VPS13B: variants seen among roughly 807,000 people sequenced by gnomAD.
The protein encoded by VPS13B is intermembrane lipid transfer protein VPS13B.
In VPS13B, 285 loss-of-function variants were observed where a neutral mutation model predicts 426.4. The ratio of observed to expected loss-of-function variants is 0.67; its 90% confidence interval spans 0.61 to 0.74. The LOEUF is 0.74. Among genes scored for constraint, VPS13B ranks in the 30% least tolerant of loss-of-function variants. The pLI is 0.00. For missense variants in VPS13B, 4,537 were observed against 4,782.6 expected, an observed-to-expected ratio of 0.95 and a Z score of 1.51; for synonymous variants, 1,676 against 1,676.4, an observed-to-expected ratio of 1.00 and a Z score of 0.01.
chr8:99,188,515 A>G (rs879329743), intron 16 of VPS13B, among the ~76,000 whole-genome samples: 3 of 152,138 alleles, frequency 2.0e-5, no homozygotes, highest in Admixed American at 6.6e-5. Context: ...TTTGGCTAAG[A>G]ATAGTGCCGC....
chr8:99,206,759 G>C (rs1012585431), intron 17 of VPS13B, among the ~76,000 whole-genome samples: 1 of 152,146 alleles, frequency 6.6e-6, no homozygotes, highest in Non-Finnish European at 1.5e-5. Flanking sequence ...TTTTGGAGTT[G>C]TTGAATAGTT....
intron 6 of VPS13B, among the ~76,000 whole-genome samples, chr8:99,115,235 G>A (rs1218024924): frequency 6.6e-6 from 1 of 152,032 alleles, no homozygotes; most frequent in African/African-American, 2.4e-5. Context: ...GTTTTAGGAT[G>A]TATATGTATT....
intron 16 of VPS13B, among the ~76,000 whole-genome samples, chr8:99,184,608 A>G (rs1444347271): frequency 6.6e-6 from 1 of 152,252 alleles, no homozygotes; most frequent in Non-Finnish European, 1.5e-5. Context: ...CAGAAATTTG[A>G]AAAATGTTAA....
At chr8:99,463,527 A>G (rs1458153528) in intron 23 of VPS13B, among the ~76,000 whole-genome samples, 1 of 152,134 alleles carries the variant, frequency 6.6e-6, no homozygotes, top group Non-Finnish European at 1.5e-5. Context: ...AGCAAATAAA[A>G]CTGAAGGTTG....
At chr8:99,586,977 A>T (rs1329543465) in intron 33 of VPS13B, among the ~76,000 whole-genome samples, 1 of 151,658 alleles carries the variant, frequency 6.6e-6, no homozygotes, top group Non-Finnish European at 1.5e-5. Flanking sequence ...TCCCTCCCCC[A>T]TCCCCCCATG....
At chr8:99,090,024 C>T (rs754102048) in intron 3 of VPS13B, among the ~76,000 whole-genome samples, 14 of 151,896 alleles carry the variant, frequency 9.2e-5, no homozygotes, top group South Asian at 2.1e-4. Context: ...CAAGGAGAGG[C>T]GGGTATAATG....
chr8:99,659,935 A>G (rs1284255284), intron 34 of VPS13B, among the ~76,000 whole-genome samples: 1 of 152,198 alleles, frequency 6.6e-6, no homozygotes, highest in African/African-American at 2.4e-5. Flanking sequence ...ATAGATGCCC[A>G]GGTCCTAGCA....
At chr8:99,429,373 A>G (rs1480443372) in intron 21 of VPS13B, among the ~76,000 whole-genome samples, 1 of 152,036 alleles carries the variant, frequency 6.6e-6, no homozygotes, top group Non-Finnish European at 1.5e-5. Context: ...CTTTGTTAGC[A>G]ATGTTGAGCA....
Position 99,313,710 on chromosome 8 carries a change from T to A in VPS13B, c.2824+38456T>A, listed in dbSNP as rs184393985. On this transcript the variant is annotated intron_variant, in intron 19 of 61. Transcript: ENST00000357162. ...ACTTCAAACCTGTCAGACAGGGATA[T>A]TTAAGTCTGCAGAGGTTTCTGCTGC... 2.0e-3 allele frequency among the ~76,000 whole-genome samples: 309 copies of A among 152,328 alleles called. 1 individual carries two copies. The highest frequency in any genetic ancestry group is 3.5e-3 in the Non-Finnish European group (237 of 68,020).
At chr8:99,491,814 G>T (rs927599391) in intron 25 of VPS13B, among the ~76,000 whole-genome samples, 1 of 152,076 alleles carries the variant, frequency 6.6e-6, no homozygotes, top group Non-Finnish European at 1.5e-5. Flanking sequence ...GAACATGCTC[G>T]TTTTGCTCGG....
At chr8:99,057,975 G>C (rs755260172) in intron 3 of VPS13B, among the ~76,000 whole-genome samples, 7 of 152,086 alleles carry the variant, frequency 4.6e-5, no homozygotes, top group Non-Finnish European at 8.8e-5. Context: ...CTAGTTCAGT[G>C]ATTTTCTCAG....
At chr8:99,849,285 C>T (rs1204916433) in intron 55 of VPS13B, among the ~76,000 whole-genome samples, 1 of 152,078 alleles carries the variant, frequency 6.6e-6, no homozygotes, top group Admixed American at 6.5e-5. Context: ...TATTTTCCAC[C>T]CCCCACTTTG....
At position 99,087,392 on chromosome 8, in the gene VPS13B, C is replaced by G. The variant is rs894280975; in HGVS notation, c.292-8920C>G. On this transcript the variant is annotated intron_variant, in intron 3 of 61. Transcript: ENST00000357162. ...TGACTAGGAAAGGGAATTCCCTGACCCCTTGCACTTCCAGGGTGAGGCAGT... is the reference window on the plus strand; with the variant it reads ...TGACTAGGAAAGGGAATTCCCTGACGCCTTGCACTTCCAGGGTGAGGCAGT... Among the ~76,000 whole-genome samples, 5 of 152,060 alleles carry G rather than the reference C, an allele frequency of 3.3e-5. No homozygotes were observed. In the East Asian group the frequency reaches 5.8e-4, roughly 18 times the overall value.
rs1294709066 is a variant in VPS13B, at chr8:99,861,809, GC to G, written c.11080del (p.Leu3694TrpfsTer51). On this transcript the variant is annotated frameshift_variant, in exon 58 of 62. Transcript: ENST00000357162. LOFTEE classifies it high-confidence loss of function. The stretch of plus-strand genomic sequence containing the variant: ...ACATCCATCACCAACCTCGCCACAA[GC>G]CTGGCCCGGAACATGGACCGGCTCT... Reference protein sequence around the residue: ...TLTSITNLATSLARNMDRLSL... With the variant: ...TLTSITNLATXLARNMDRLSL... 1 of 1,598,574 alleles carries G rather than the reference GC, an allele frequency of 6.3e-7. No individual in the cohort carries two copies. The highest frequency in any genetic ancestry group is 8.5e-7 in the Non-Finnish European group (1 of 1,172,806).
chr8:99,372,533 C>CATTT lies in VPS13B; in HGVS notation c.2825-11672_2825-11669dup, dbSNP rs527615201. Among the ~76,000 whole-genome samples the CATTT allele has an allele frequency of 6.1e-3, 926 of 152,240 alleles. 12 individuals are homozygous for CATTT. Among genetic ancestry groups the CATTT allele is most frequent in the African/African-American group, 0.021 (882 of 41,528 alleles). On this transcript the variant is annotated intron_variant, in intron 19 of 61. Transcript: ENST00000357162. ...TGAACAGACACTTCTCAAAAGAAGA[C>CATTT]ATTTATGTGGCCAACAAACATATGA...
chr8:99,358,675 C>A (rs1371238822), intron 19 of VPS13B, among the ~76,000 whole-genome samples: 2 of 152,168 alleles, frequency 1.3e-5, no homozygotes, highest in Non-Finnish European at 2.9e-5. Flanking sequence ...GGTGGAGAGT[C>A]TCACTTTAGG....
intron 42 of VPS13B, among the ~76,000 whole-genome samples, chr8:99,782,124 TTTAAAA>T (rs1272534238): frequency 6.6e-6 from 1 of 152,138 alleles, no homozygotes; most frequent in East Asian, 1.9e-4. Context: ...TATTGCTGAG[TTTAAAA>T]TTAAAGATTT....
chr8:99,409,601 T>TG (rs1815512894), intron 21 of VPS13B, among the ~76,000 whole-genome samples: 1 of 152,202 alleles, frequency 6.6e-6, no homozygotes, highest in African/African-American at 2.4e-5. Context: ...TTTTTAGGCC[T>TG]GGGGTTTTTC....
intron 17 of VPS13B, among the ~76,000 whole-genome samples, chr8:99,226,502 T>G (rs150923879): frequency 3.3e-4 from 51 of 152,304 alleles, no homozygotes; most frequent in African/African-American, 1.2e-3. Context: ...TTAGGTGATT[T>G]ATTGTTTCTT....
Sources: allele counts gnomAD v4.1 joint callset (sites outside exome capture counted in the v4.1 genomes callset), GRCh38; gene constraint gnomAD v4.1.1; transcripts MANE v1.5; gene names NCBI Gene and HGNC (gene_info 2026-07-23, HGNC 2026-07-21).